ZNF407: variants seen among roughly 807,000 people sequenced by gnomAD.
ZNF407 encodes the protein zinc finger protein 407.
Under a neutral mutation model 131.2 loss-of-function variants are expected in ZNF407, and 17 were observed. The observed-to-expected ratio is 0.13, with a 90% confidence interval of 0.09 to 0.19. The LOEUF is 0.19. ZNF407 is among the 10% of genes least tolerant of loss of function. The pLI, the probability that ZNF407 is intolerant of heterozygous loss-of-function variation, is 1.00. For synonymous variants in ZNF407, 1,156 were observed against 1,062.0 expected, an observed-to-expected ratio of 1.09 and a Z score of -1.72; for missense variants, 2,681 against 2,830.6, an observed-to-expected ratio of 0.95 and a Z score of 1.20.
intron 3 of ZNF407, among the ~76,000 whole-genome samples, chr18:74,679,670 A>G (rs1966934903): frequency 6.6e-6 from 1 of 152,190 alleles, no homozygotes; most frequent in Admixed American, 6.5e-5. Context: ...TATTTCTGAT[A>G]GTTTTTCCTC....
chr18:74,788,508 C>G (rs768157890), intron 4 of ZNF407, among the ~76,000 whole-genome samples: 10 of 151,606 alleles, frequency 6.6e-5, no homozygotes, highest in Non-Finnish European at 1.5e-4. Flanking sequence ...TTAACAAGTA[C>G]TCCCAAGGAA....
At chr18:74,902,138 G>A (rs1971533856) in intron 7 of ZNF407, among the ~76,000 whole-genome samples, 1 of 152,184 alleles carries the variant, frequency 6.6e-6, no homozygotes, top group African/African-American at 2.4e-5. Flanking sequence ...GACTGTTGGA[G>A]CAATTCATCT....
At chr18:74,611,807 G>A (rs1396286879) in intron 1 of ZNF407, among the ~76,000 whole-genome samples, 1 of 152,162 alleles carries the variant, frequency 6.6e-6, no homozygotes, top group Non-Finnish European at 1.5e-5. Flanking sequence ...TCTCTGCTGT[G>A]GACCTACTGA....
intron 3 of ZNF407, among the ~76,000 whole-genome samples, chr18:74,726,700 A>C (rs1968166744): frequency 6.6e-6 from 1 of 152,216 alleles, no homozygotes; most frequent in Non-Finnish European, 1.5e-5. Context: ...ATCCTAATTC[A>C]GCTAGACATT....
chr18:74,865,133 G>T (rs1430034404), intron 4 of ZNF407, among the ~76,000 whole-genome samples: 1 of 152,176 alleles, frequency 6.6e-6, no homozygotes, highest in Non-Finnish European at 1.5e-5. Context: ...TAGGCACCTG[G>T]CCAGGTACTT....
intron 3 of ZNF407, among the ~76,000 whole-genome samples, chr18:74,702,279 A>C (rs1967515886): frequency 6.6e-6 from 1 of 152,166 alleles, no homozygotes; most frequent in Non-Finnish European, 1.5e-5. Flanking sequence ...TTATTCATGC[A>C]CGGGTCAGTT....
chr18:74,916,800 G>A (rs1194775449), intron 7 of ZNF407, among the ~76,000 whole-genome samples: 2 of 151,516 alleles, frequency 1.3e-5, no homozygotes, highest in Non-Finnish European at 2.9e-5. Context: ...GTGTGTGTGT[G>A]TGTGCATGTG....
At chr18:74,987,882 T>C (rs1972672035) in intron 8 of ZNF407, among the ~76,000 whole-genome samples, 1 of 152,230 alleles carries the variant, frequency 6.6e-6, no homozygotes, top group Non-Finnish European at 1.5e-5. Context: ...ATCCCCACAT[T>C]GATCTATAGA....
At chr18:74,915,750 G>C (rs1599240244) in intron 7 of ZNF407, among the ~76,000 whole-genome samples, 1 of 48,808 alleles carries the variant, frequency 2.0e-5, no homozygotes, top group South Asian at 1.5e-3. Flanking sequence ...ATGCAGCATT[G>C]GTTCGAATCG....
intron 3 of ZNF407, among the ~76,000 whole-genome samples, chr18:74,642,768 C>T (rs1452432206): frequency 1.3e-5 from 2 of 151,954 alleles, no homozygotes; most frequent in African/African-American, 2.4e-5. Context: ...ATACATATAT[C>T]GAGTTTTATA....
At chr18:74,922,999 G>A (rs1971866884) in intron 8 of ZNF407, among the ~76,000 whole-genome samples, 1 of 152,184 alleles carries the variant, frequency 6.6e-6, no homozygotes, top group Non-Finnish European at 1.5e-5. Context: ...CATTTATACT[G>A]TATGTAAACT....
intron 1 of ZNF407, among the ~76,000 whole-genome samples, chr18:74,627,792 C>G (rs28607219): frequency 4.6e-5 from 5 of 108,698 alleles, no homozygotes; most frequent in Admixed American, 2.6e-4. Context: ...CTCTCTCTCT[C>G]TCTTTCTCTC....
chr18:74,873,392 G>C (rs1971114057), intron 4 of ZNF407, among the ~76,000 whole-genome samples: 2 of 152,126 alleles, frequency 1.3e-5, no homozygotes, highest in African/African-American at 4.8e-5. Flanking sequence ...GAACACCCTG[G>C]CTTGCACCTC....
chr18:74,640,060 CGT>C (rs1229028085), intron 2 of ZNF407, among the ~76,000 whole-genome samples: 1 of 151,900 alleles, frequency 6.6e-6, no homozygotes, highest in Non-Finnish European at 1.5e-5. Flanking sequence ...AATCAGGAAA[CGT>C]ACTGATTTTA....
In ZNF407 at chr18:75,064,252, A is replaced by G; in HGVS notation, c.6531A>G (p.Pro2177=). ...ACTACATCCTGACAGAGCTGCCCCC[A>G]GGGGTGCAGGACGAGCCGGGCCTGT... ...TTHYILTELP[P]GVQDEPGLYS... Residue 2177 remains proline (P), a synonymous_variant, in exon 9 of 9, where the codon CCA becomes CCG. Coordinates refer to ENST00000299687, the MANE Select transcript of ZNF407 (RefSeq NM_017757.3). 3 of 1,606,454 alleles carry G rather than the reference A, an allele frequency of 1.9e-6. No homozygotes were observed. Among genetic ancestry groups the G allele is most frequent in the Non-Finnish European group, 2.5e-6 (3 of 1,177,882 alleles).
intron 4 of ZNF407, among the ~76,000 whole-genome samples, chr18:74,850,825 A>G (rs935448295): frequency 6.6e-6 from 1 of 152,196 alleles, no homozygotes; most frequent in African/African-American, 2.4e-5. Flanking sequence ...TCCAACCACT[A>G]ATAAAGAACT....
chr18:74,866,455 G>A (rs552269505), intron 4 of ZNF407, among the ~76,000 whole-genome samples: 25 of 152,220 alleles, frequency 1.6e-4, no homozygotes, highest in African/African-American at 6.0e-4. Flanking sequence ...CCTAAGTGTG[G>A]AAAGCTGCCC....
chr18:75,000,373 T>C (rs550295950), intron 8 of ZNF407, among the ~76,000 whole-genome samples: 2 of 152,358 alleles, frequency 1.3e-5, no homozygotes, highest in Admixed American at 6.5e-5. Context: ...TTTGTAAATA[T>C]ACTAATATTA....
At chr18:74,792,092 G>A in intron 4 of ZNF407, among the ~76,000 whole-genome samples, 1 of 152,088 alleles carries the variant, frequency 6.6e-6, no homozygotes, top group East Asian at 1.9e-4. Flanking sequence ...TCCTTGGTTG[G>A]CAGATTTTGG....
Sources: allele counts gnomAD v4.1 joint callset (sites outside exome capture counted in the v4.1 genomes callset), GRCh38; gene constraint gnomAD v4.1.1; transcripts MANE v1.5; gene names NCBI Gene and HGNC (gene_info 2026-07-23, HGNC 2026-07-21).